The following HYDIN variants were observed in gnomAD, a reference collection of about 807,000 sequenced individuals.
The protein encoded by HYDIN is axonemal central pair apparatus protein HYDIN.
HYDIN carries 132 observed loss-of-function variants against 403.9 expected under a neutral mutation model. The ratio of observed to expected loss-of-function variants is 0.33; its 90% CI spans 0.28 to 0.38. HYDIN has a LOEUF of 0.38. Among genes scored for constraint, HYDIN ranks in the 10% least tolerant of loss-of-function variants. HYDIN has a pLI of 1.00. For synonymous variants in HYDIN, 1,202 were observed against 1,891.7 expected (o/e 0.64, Z 9.46); for missense variants, 2,827 against 5,009.5 (o/e 0.56, Z 13.15).
At chr16:71,030,327 G>GCACTTT (rs1397023277) in intron 19 of HYDIN, among the ~76,000 whole-genome samples, 1 of 151,750 alleles carries the variant, frequency 6.6e-6, no homozygotes, top group Non-Finnish European at 1.5e-5. Flanking sequence ...AAAGTGCTGG[G>GCACTTT]ATCATAGGCA....
intron 65 of HYDIN, among the ~76,000 whole-genome samples, 176 bp from the exon 66 acceptor site, chr16:70,868,964 A>G (rs967655529): frequency 7.7e-6 from 1 of 130,256 alleles, no homozygotes; most frequent in Admixed American, 8.4e-5. Context: ...TAGAAACATA[A>G]TAATAATAAC....
At chr16:70,974,463 G>A (rs894144259) in intron 32 of HYDIN, 71 bp downstream of exon 32, 26 of 1,377,544 alleles carry the variant, frequency 1.9e-5, no homozygotes, top group Non-Finnish European at 2.5e-5. Flanking sequence ...TGCTCCAGGA[G>A]GACAGTACTG....
At chr16:71,086,056 A>G (rs2082921994) in intron 12 of HYDIN, among the ~76,000 whole-genome samples, 1 of 152,136 alleles carries the variant, frequency 6.6e-6, no homozygotes, top group African/African-American at 2.4e-5. Flanking sequence ...TATATGTCTC[A>G]TGTCTTTTCT....
At chr16:70,938,781 G>C (rs375662263) in intron 43 of HYDIN, 26 bp from the exon 44 acceptor site, 1 of 1,612,552 alleles carries the variant, frequency 6.2e-7, no homozygotes, top group Non-Finnish European at 8.5e-7. Flanking sequence ...AGACGGGAAG[G>C]TGAGGAAAAG....
chr16:71,083,684 T>C (rs995677099), intron 12 of HYDIN, among the ~76,000 whole-genome samples: 12 of 152,036 alleles, frequency 7.9e-5, no homozygotes, highest in African/African-American at 2.9e-4. Flanking sequence ...AATAAAAAAT[T>C]TCCAGAAACA....
intron 50 of HYDIN, among the ~76,000 whole-genome samples, chr16:70,905,276 C>G (rs1567804129): frequency 6.6e-6 from 1 of 151,714 alleles, no homozygotes; most frequent in Non-Finnish European, 1.5e-5. Flanking sequence ...GTGCGTTACC[C>G]AGTTCAGTCC....
intron 71 of HYDIN, among the ~76,000 whole-genome samples, chr16:70,859,390 C>T (rs1969119): frequency 1.4e-4 from 21 of 152,298 alleles, no homozygotes; most frequent in East Asian, 7.7e-4. Flanking sequence ...GTCTGCAAAG[C>T]GGTCATCTAC....
chr16:71,111,860 G>GA (rs951345471), intron 10 of HYDIN, among the ~76,000 whole-genome samples: 10 of 128,154 alleles, frequency 7.8e-5, no homozygotes, highest in African/African-American at 2.4e-4. Context: ...CAAATAAAAT[G>GA]AAAAAAAATG....
chr16:71,034,427 C>G (rs575750266), intron 18 of HYDIN, among the ~76,000 whole-genome samples: 23 of 152,194 alleles, frequency 1.5e-4, no homozygotes, highest in African/African-American at 5.3e-4. Flanking sequence ...CAGGCAGAAT[C>G]TCACAGGGTG....
At chr16:70,964,013 T>A (rs2078495774) in intron 37 of HYDIN, among the ~76,000 whole-genome samples, 1 of 99,538 alleles carries the variant, frequency 1.0e-5, no homozygotes, top group Non-Finnish European at 1.8e-5. Context: ...ATTTCTAAGA[T>A]GAGGTTACAG....
chr16:70,922,985 C>T (rs1245068297), intron 45 of HYDIN, among the ~76,000 whole-genome samples: 2 of 151,900 alleles, frequency 1.3e-5, no homozygotes, highest in Admixed American at 6.6e-5. Context: ...CCAGGCTGGT[C>T]TTGAACCCCT....
intron 85 of HYDIN, among the ~76,000 whole-genome samples, 163 bp from the exon 86 acceptor site, chr16:70,808,225 G>A (rs538192937): frequency 1.3e-4 from 20 of 152,286 alleles, no homozygotes; most frequent in African/African-American, 4.3e-4. Context: ...TGTAGGGTAG[G>A]TATTACTAAT....
At chr16:71,218,357 G>A (rs2089001593) in intron 1 of HYDIN, among the ~76,000 whole-genome samples, 1 of 152,226 alleles carries the variant, frequency 6.6e-6, no homozygotes, top group Non-Finnish European at 1.5e-5. Context: ...AAGAGGTCAA[G>A]ATGACAGGGC....
intron 18 of HYDIN, among the ~76,000 whole-genome samples, chr16:71,036,137 G>A (rs1443431073): frequency 6.6e-6 from 1 of 152,158 alleles, no homozygotes; most frequent in East Asian, 1.9e-4. Flanking sequence ...GATTTTGAAA[G>A]GTGAAGAGCT....
At chr16:71,130,470 GTTTTTTTTTTTTTTTT>G (rs56853905) in intron 8 of HYDIN, among the ~76,000 whole-genome samples, 2 of 75,822 alleles carry the variant, frequency 2.6e-5, no homozygotes, top group African/African-American at 9.1e-5. Flanking sequence ...ATATATACCG[GTTTTTTTTTTTTTTTT>G]TTTTTTTTTT....
chr16:71,191,937 A>G (rs1431070154), intron 1 of HYDIN, among the ~76,000 whole-genome samples: 1 of 152,282 alleles, frequency 6.6e-6, no homozygotes, highest in South Asian at 2.1e-4. Context: ...AATTAACCAT[A>G]TAACACATAC....
At chr16:71,020,939 T>G (rs2080464928) in intron 21 of HYDIN, among the ~76,000 whole-genome samples, 1 of 151,610 alleles carries the variant, frequency 6.6e-6, no homozygotes, top group African/African-American at 2.4e-5. Context: ...ACAGAAGCCA[T>G]GCTTCTGGAT....
At position 71,165,331 on chromosome 16, in the gene HYDIN, GC is replaced by G. The variant is rs2086173940; in HGVS notation, c.517-2602del. The stretch of plus-strand genomic sequence containing the variant: ...CTCCTTCCCTCTACTTATTCATGGT[GC>G]TCACCCCCTCACCTCTTCAGCACTT... On this transcript the variant is annotated intron_variant, in intron 5 of 85. Transcript: ENST00000393567. Among the ~76,000 whole-genome samples the G allele has an allele frequency of 3.3e-5, 5 of 151,764 alleles. No individual in the cohort carries two copies. In the South Asian group the frequency reaches 1.0e-3, roughly 32 times the overall value.
At chr16:70,992,853 C>T (rs951950632) in intron 23 of HYDIN, among the ~76,000 whole-genome samples, 1 of 152,208 alleles carries the variant, frequency 6.6e-6, no homozygotes, top group Non-Finnish European at 1.5e-5. Context: ...GCCCATATGT[C>T]CAGGTTCCAC....
Sources: allele counts gnomAD v4.1 joint callset (sites outside exome capture counted in the v4.1 genomes callset), GRCh38; gene constraint gnomAD v4.1.1; transcripts MANE v1.5; gene names NCBI Gene and HGNC (gene_info 2026-07-23, HGNC 2026-07-21).